SLC12A2: variants seen among roughly 807,000 people sequenced by gnomAD.
The protein encoded by SLC12A2 is Na-K-2Cl cotransporter 1.
Under a neutral mutation model 136.3 loss-of-function variants are expected in SLC12A2, and 67 were observed. That is an observed-to-expected ratio of 0.49 (90% CI 0.40 to 0.60). SLC12A2 has a LOEUF of 0.60. Among genes scored for constraint, SLC12A2 ranks in the 20% least tolerant of loss-of-function variants. SLC12A2 has a pLI of 0.00. For synonymous variants in SLC12A2, 619 were observed against 562.9 expected (o/e 1.10, Z -1.41); for missense variants, 1,322 against 1,534.7 (o/e 0.86, Z 2.32).
chr5:128,090,630 A>T (rs1244150788), intron 1 of SLC12A2, among the ~76,000 whole-genome samples: 1 of 152,148 alleles, frequency 6.6e-6, no homozygotes, highest in African/African-American at 2.4e-5. Flanking sequence ...GGGCGAGGAA[A>T]ATTAAAGGTG....
chr5:128,152,764 A>C lies in SLC12A2; in HGVS notation c.2322A>C (p.Ser774=), dbSNP rs115357531. Reference sequence around the variant, plus strand: ...CTTACCTGAATGCACTGCAGCATTCAATTCGTCTTTCTGGAGTGGAAGACC... The same window carrying C: ...CTTACCTGAATGCACTGCAGCATTCCATTCGTCTTTCTGGAGTGGAAGACC... ...ALTYLNALQH[S]IRLSGVEDHV... Residue 774 remains serine (S), a synonymous_variant, in exon 15 of 27, where the codon TCA becomes TCC. Coordinates refer to ENST00000262461, the MANE Select transcript of SLC12A2 (RefSeq NM_001046.3). 2.0e-3 allele frequency: 3,270 copies of C among 1,613,868 alleles called. 5 individuals are homozygous for C. The highest frequency in any genetic ancestry group is 2.7e-3 in the Non-Finnish European group (3,139 of 1,179,768).
At chr5:128,171,891 G>A in intron 19 of SLC12A2, 145 bp downstream of exon 19, 1 of 523,336 alleles carries the variant, frequency 1.9e-6, no homozygotes, top group Non-Finnish European at 3.3e-6. Context: ...GATCACATCT[G>A]TTTGGCTCCA....
chr5:128,134,314 T>C, intron 6 of SLC12A2, 39 bp downstream of exon 6: 1 of 1,054,956 alleles, frequency 9.5e-7, no homozygotes, highest in Non-Finnish European at 1.5e-6. Context: ...ATTTAATACG[T>C]AAACTTTTAG....
intron 4 of SLC12A2, among the ~76,000 whole-genome samples, chr5:128,121,112 C>G (rs77780667): frequency 6.6e-6 from 1 of 152,032 alleles, no homozygotes; most frequent in African/African-American, 2.4e-5. Flanking sequence ...TTGGCTTTAA[C>G]AGTACATTTT....
intron 10 of SLC12A2, among the ~76,000 whole-genome samples, chr5:128,144,946 G>A (rs1173031418): frequency 1.3e-5 from 2 of 151,904 alleles, no homozygotes; most frequent in Non-Finnish European, 2.9e-5. Flanking sequence ...AGACAAGACA[G>A]TCTTTTTTTC....
intron 4 of SLC12A2, among the ~76,000 whole-genome samples, chr5:128,123,611 T>G (rs1761671312): frequency 6.6e-6 from 1 of 152,310 alleles, no homozygotes; most frequent in East Asian, 1.9e-4. Flanking sequence ...GTACTATAAG[T>G]GTCTACTCAT....
intron 15 of SLC12A2, among the ~76,000 whole-genome samples, chr5:128,157,464 G>A (rs1383654893): frequency 1.3e-5 from 2 of 152,018 alleles, no homozygotes; most frequent in East Asian, 3.9e-4. Flanking sequence ...CTCATGGGAC[G>A]ACAGTCATTA....
chr5:128,145,039 AT>A (rs1762485686), intron 10 of SLC12A2, among the ~76,000 whole-genome samples: 1 of 152,154 alleles, frequency 6.6e-6, no homozygotes, highest in Admixed American at 6.6e-5. Flanking sequence ...ATATTTTACC[AT>A]TAAATGTTGA....
intron 20 of SLC12A2, among the ~76,000 whole-genome samples, chr5:128,176,113 T>C (rs1278008655): frequency 6.6e-6 from 1 of 152,060 alleles, no homozygotes; most frequent in Non-Finnish European, 1.5e-5. Context: ...TATTTAGCTG[T>C]GTCTATCTTG....
At chr5:128,103,314 G>A (rs1760812882) in intron 1 of SLC12A2, among the ~76,000 whole-genome samples, 1 of 152,218 alleles carries the variant, frequency 6.6e-6, no homozygotes, top group Admixed American at 6.5e-5. Context: ...TGTCGGAACT[G>A]AGGACCAGAG....
intron 2 of SLC12A2, among the ~76,000 whole-genome samples, chr5:128,113,976 A>C (rs903891589): frequency 6.6e-6 from 1 of 152,142 alleles, no homozygotes; most frequent in Non-Finnish European, 1.5e-5. Context: ...TGATGAGTGC[A>C]TTTATTTTCA....
intron 23 of SLC12A2, among the ~76,000 whole-genome samples, chr5:128,182,381 C>G (rs1763731959): frequency 6.6e-6 from 1 of 152,098 alleles, no homozygotes; most frequent in Admixed American, 6.5e-5. Context: ...CCAGTTCCTT[C>G]TTTCCCCAAA....
intron 4 of SLC12A2, among the ~76,000 whole-genome samples, chr5:128,125,316 A>T (rs1245014837): frequency 6.6e-6 from 1 of 152,186 alleles, no homozygotes; most frequent in Admixed American, 6.5e-5. Context: ...TAGTACCAGG[A>T]TTCTATGAGG....
intron 1 of SLC12A2, among the ~76,000 whole-genome samples, chr5:128,090,697 G>A (rs1156923032): frequency 6.6e-6 from 1 of 152,188 alleles, no homozygotes; most frequent in Admixed American, 6.5e-5. Context: ...CCTCTGATAT[G>A]TGAGCAGGCT....
Position 128,181,002 on chromosome 5 carries a change from T to G in SLC12A2, c.3212+8T>G. On this transcript the variant is annotated splice_region_variant and intron_variant, in intron 23 of 26. Coordinates refer to ENST00000262461, the MANE Select transcript of SLC12A2 (RefSeq NM_001046.3). Reference sequence around the variant, plus strand: ...AGACCATGACCGGAGAGCGTAAGTTTATTTCACATTGAAGGGCATGAATCT... The same window carrying G: ...AGACCATGACCGGAGAGCGTAAGTTGATTTCACATTGAAGGGCATGAATCT... The G allele has an allele frequency of 6.7e-7, 1 of 1,485,060 alleles. No individual in the cohort carries two copies. The highest frequency in any genetic ancestry group is 9.4e-7 in the Non-Finnish European group (1 of 1,063,398). 92.0% of individuals were successfully genotyped at this position (1,485,060 alleles called of 1,614,324 possible). A position where few individuals can be genotyped will look rare whatever the true frequency, so the allele number is the denominator to read the frequency against.
At chr5:128,108,885 C>G (rs2126664243) in intron 1 of SLC12A2, among the ~76,000 whole-genome samples, 1 of 152,178 alleles carries the variant, frequency 6.6e-6, no homozygotes, top group African/African-American at 2.4e-5. Context: ...TTTCCATAAG[C>G]CTGGGGGCAT....
chr5:128,180,297 A>G (rs1157337388), intron 22 of SLC12A2, among the ~76,000 whole-genome samples: 5 of 152,120 alleles, frequency 3.3e-5, no homozygotes, highest in Non-Finnish European at 5.9e-5. Flanking sequence ...TTCTAATACA[A>G]GAAGATGTTC....
At chr5:128,093,650 T>G (rs1424516746) in intron 1 of SLC12A2, among the ~76,000 whole-genome samples, 1 of 152,152 alleles carries the variant, frequency 6.6e-6, no homozygotes, top group Non-Finnish European at 1.5e-5. Context: ...CACTGAGTTC[T>G]GTCAACTTGA....
At chr5:128,099,833 A>T (rs888751566) in intron 1 of SLC12A2, among the ~76,000 whole-genome samples, 1 of 152,036 alleles carries the variant, frequency 6.6e-6, no homozygotes, top group Non-Finnish European at 1.5e-5. Context: ...GCACTATAAC[A>T]CGTGGAGCTG....
Sources: allele counts gnomAD v4.1 joint callset (sites outside exome capture counted in the v4.1 genomes callset), GRCh38; gene constraint gnomAD v4.1.1; transcripts MANE v1.5; gene names NCBI Gene and HGNC (gene_info 2026-07-23, HGNC 2026-07-21).